The following RHBDD3 variants were observed in gnomAD, a reference collection of about 807,000 sequenced individuals.
The protein encoded by RHBDD3 is rhomboid domain-containing protein 3.
A neutral mutation model predicts 32.3 loss-of-function variants in RHBDD3; 34 were observed. The observed-to-expected ratio is 1.05, with a 90% CI of 0.80 to 1.40. The LOEUF (loss-of-function observed/expected upper bound fraction) is 1.40. Among genes scored for constraint, RHBDD3 ranks in the 40% most tolerant of loss-of-function variants. The pLI is 0.00. For synonymous variants in RHBDD3, 249 were observed against 239.1 expected (o/e 1.04, Z -0.38); for missense variants, 482 against 492.6 (o/e 0.98, Z 0.20).
chr22:29,260,220 CG>C lies in RHBDD3; in HGVS notation c.1000del (p.Arg334AlafsTer37). On this transcript the variant is annotated frameshift_variant, in exon 7 of 7. Transcript: ENST00000216085. LOFTEE classifies it high-confidence loss of function. ...VSSLRLQQLE[R>X]MGFPTEQAVV... is the part of the protein sequence containing the mutation. Reference sequence around the variant, plus strand: ...CGCCTGCTCCGTAGGGAAGCCCATGCGCTCCAGCTGCTGCAGCCTGTTGGGG... The same window carrying C: ...CGCCTGCTCCGTAGGGAAGCCCATGCCTCCAGCTGCTGCAGCCTGTTGGGG... 4 of 1,599,384 alleles carry C rather than the reference CG, an allele frequency of 2.5e-6. No individual in the cohort carries two copies. Among genetic ancestry groups the C allele is most frequent in the Non-Finnish European group, 3.4e-6 (4 of 1,173,628 alleles).
chr22:29,262,716 T>C (rs928555336), intron 4 of RHBDD3, among the ~76,000 whole-genome samples: 3 of 151,198 alleles, frequency 2.0e-5, no homozygotes, highest in Non-Finnish European at 2.9e-5. Flanking sequence ...TTTAATTTTC[T>C]TTTTTTTTGA....
chr22:29,266,287 G>A (rs1188044641), intron 2 of RHBDD3, among the ~76,000 whole-genome samples: 3 of 152,186 alleles, frequency 2.0e-5, no homozygotes, highest in Non-Finnish European at 4.4e-5. Context: ...GAAGGGTACA[G>A]TATGCGCTCC....
In RHBDD3 at chr22:29,267,175, AC is replaced by A. The variant is rs1271232698; in HGVS notation, c.-43+250del. Among the ~76,000 whole-genome samples the A allele has an allele frequency of 2.0e-5, 3 of 152,262 alleles. No homozygotes were observed. In the East Asian group the frequency reaches 5.8e-4, roughly 29 times the overall value. ...CTGCCCTTCGCGGACCCGGGCATCC[AC>A]CTAGGGGGCTGGGGCTAGAGGTCCA... On this transcript the variant is annotated intron_variant, in intron 2 of 6. Transcript: ENST00000216085.
chr22:29,264,767 T>G (rs1462336756), intron 3 of RHBDD3, among the ~76,000 whole-genome samples: 2 of 152,124 alleles, frequency 1.3e-5, no homozygotes, highest in African/African-American at 4.8e-5. Flanking sequence ...GTCTTAGCTG[T>G]TTTTTTGTTT....
chr22:29,264,340 C>T (rs1270782041), intron 3 of RHBDD3, 122 bp from the exon 4 acceptor site: 3 of 1,432,810 alleles, frequency 2.1e-6, no homozygotes, highest in African/African-American at 2.9e-5. Context: ...CTCCCCTCCC[C>T]AGGAGCCAGT....
At chr22:29,264,452 A>G (rs2058154929) in intron 3 of RHBDD3, 1 of 1,309,064 alleles carries the variant, frequency 7.6e-7, no homozygotes, top group South Asian at 2.5e-5. Flanking sequence ...TGGACGTGCC[A>G]CTCAGTCTTT....
At chr22:29,264,360 G>A in intron 3 of RHBDD3, 142 bp from the exon 4 acceptor site, 3 of 1,431,856 alleles carry the variant, frequency 2.1e-6, no homozygotes, top group Non-Finnish European at 2.8e-6. Context: ...TCTTCCCACA[G>A]CCAGCACTTA....
upstream of RHBDD3, chr22:29,268,163 G>C: frequency 2.7e-6 from 2 of 741,208 alleles, no homozygotes; most frequent in Non-Finnish European, 4.8e-6. Flanking sequence ...ACTGGGACAA[G>C]AGTTGCGGAC....
At chr22:29,264,769 TTTTTG>T (rs772979045) in intron 3 of RHBDD3, among the ~76,000 whole-genome samples, 4 of 152,120 alleles carry the variant, frequency 2.6e-5, no homozygotes, top group Admixed American at 6.5e-5. Flanking sequence ...CTTAGCTGTT[TTTTTG>T]TTTTGTTTTG....
intron 2 of RHBDD3, among the ~76,000 whole-genome samples, chr22:29,265,896 A>C (rs2058170954): frequency 6.6e-6 from 1 of 151,840 alleles, no homozygotes; most frequent in Non-Finnish European, 1.5e-5. Context: ...AGGCATAGAG[A>C]CTTCTGAGTC....
At chr22:29,262,763 G>GTGGCATGTTCT (rs1555892432) in intron 4 of RHBDD3, among the ~76,000 whole-genome samples, 1 of 152,208 alleles carries the variant, frequency 6.6e-6, no homozygotes, top group Non-Finnish European at 1.5e-5. Context: ...CTGGAGTGCA[G>GTGGCATGTTCT]CAGCGCTATC....
chr22:29,265,464 G>A lies in RHBDD3; in HGVS notation c.148+15C>T, dbSNP rs763339982. 9.3e-6 allele frequency: 14 copies of A among 1,507,542 alleles called. No individual in the cohort carries two copies. The highest frequency in any genetic ancestry group is 2.6e-5 in the East Asian group (1 of 39,188). The allele number at this position is 1,507,542 out of a possible 1,614,324, so 93.4% of individuals were successfully genotyped here. On this transcript the variant is annotated intron_variant, in intron 3 of 6. Coordinates refer to ENST00000216085, the MANE Select transcript of RHBDD3 (RefSeq NM_012265.3). The stretch of plus-strand genomic sequence containing the variant: ...GTCTCCTGCTTCCTCCAAGGTCCAC[G>A]TGGCTGGCCCTCACCCTGCCAGGGG...
Position 29,261,050 on chromosome 22 carries a change from G to A in RHBDD3, c.533-186C>T, listed in dbSNP as rs191440101. 4.5e-6 allele frequency: 3 copies of A among 669,932 alleles called. No homozygotes were observed. In the Admixed American group the frequency reaches 9.0e-5, roughly 20 times the overall value. 41.5% of individuals were successfully genotyped at this position (669,932 alleles called of 1,614,324 possible). A position where few individuals can be genotyped will look rare whatever the true frequency, so the allele number is the denominator to read the frequency against. Reference sequence around the variant, plus strand: ...GAGGCTCAGAAAGGAAAAGGGATCTGCCTGAAGCTACTCAGCCAAACAGAG... The same window carrying A: ...GAGGCTCAGAAAGGAAAAGGGATCTACCTGAAGCTACTCAGCCAAACAGAG... On this transcript the variant is annotated intron_variant, in intron 4 of 6. Coordinates refer to ENST00000216085, the MANE Select transcript of RHBDD3 (RefSeq NM_012265.3).
chr22:29,261,523 GT>G, intron 4 of RHBDD3: 1 of 357,222 alleles, frequency 2.8e-6, no homozygotes, highest in South Asian at 2.0e-5. Flanking sequence ...GAGCCCAGGA[GT>G]TTGAGGCTGT....
chr22:29,267,075 G>A (rs932661055), intron 2 of RHBDD3, among the ~76,000 whole-genome samples: 5 of 152,226 alleles, frequency 3.3e-5, no homozygotes, highest in African/African-American at 1.2e-4. Context: ...CACACAGCCA[G>A]TGCTTTATAT....
Position 29,260,363 on chromosome 22 carries a change from C to T in RHBDD3, c.946G>A (p.Ala316Thr), listed in dbSNP as rs748544006. Residue 316 changes from alanine to threonine, a missense_variant, in exon 6 of 7, where the codon GCA becomes ACA. Transcript: ENST00000216085. ...LDGPAQEPQS[A>T]PWLSKSSVSS... ...ACAGAGGACTTGGACAGCCATGGTG[C>T]GCTCTGGGGTTCCTGGGCTGGCCCG... The T allele has an allele frequency of 5.6e-6, 9 of 1,611,434 alleles. No homozygotes were observed. Among genetic ancestry groups the T allele is most frequent in the Admixed American group, 5.0e-5 (3 of 59,868 alleles).
intron 3 of RHBDD3, 70 bp downstream of exon 3, chr22:29,265,409 C>G: frequency 7.4e-7 from 1 of 1,355,484 alleles, no homozygotes; most frequent in Non-Finnish European, 9.7e-7. Context: ...TTGTGCTGCT[C>G]CTGCCAAGTG....
At chr22:29,262,479 C>A (rs1309921722) in intron 4 of RHBDD3, among the ~76,000 whole-genome samples, 1 of 152,110 alleles carries the variant, frequency 6.6e-6, no homozygotes, top group Non-Finnish European at 1.5e-5. Flanking sequence ...AAGTGTAAGT[C>A]TTCCAGGTTT....
intron 1 of RHBDD3, 53 bp from the exon 2 acceptor site, chr22:29,267,630 C>T (rs972705958): frequency 1.3e-5 from 2 of 155,086 alleles, no homozygotes; most frequent in Non-Finnish European, 2.9e-5. Flanking sequence ...TGCTCCACCT[C>T]GACCGTTACC....
Sources: allele counts gnomAD v4.1 joint callset (sites outside exome capture counted in the v4.1 genomes callset), GRCh38; gene constraint gnomAD v4.1.1; transcripts MANE v1.5; gene names NCBI Gene and HGNC (gene_info 2026-07-23, HGNC 2026-07-21).